The following RANBP3 variants were observed in gnomAD, a reference collection of about 807,000 sequenced individuals.
RANBP3 encodes the protein RAN binding protein 3, also known as ran-binding protein 3.
RANBP3 carries 14 observed loss-of-function variants against 77.3 expected under a neutral mutation model. That is an observed-to-expected ratio of 0.18 (90% CI 0.12 to 0.28). The LOEUF (loss-of-function observed/expected upper bound fraction) is 0.28. Ranked by LOEUF, RANBP3 falls within the 10% of genes least tolerant of loss-of-function variation. The probability of loss-of-function intolerance (pLI) is 1.00; values close to 1 mark genes in which losing one functional copy is unlikely to be tolerated. For synonymous variants in RANBP3, 315 were observed against 312.4 expected (o/e 1.01, Z -0.09); for missense variants, 586 against 752.3 (o/e 0.78, Z 2.59).
intron 1 of RANBP3, among the ~76,000 whole-genome samples, chr19:5,963,720 T>C (rs1364662347): frequency 1.3e-5 from 2 of 152,166 alleles, no homozygotes; most frequent in Non-Finnish European, 2.9e-5. Context: ...TCTGAGCCCC[T>C]CTTCCTTGGA....
chr19:5,942,192 G>A (rs1475003479), intron 3 of RANBP3, among the ~76,000 whole-genome samples: 2 of 152,134 alleles, frequency 1.3e-5, no homozygotes, highest in African/African-American at 4.8e-5. Flanking sequence ...GCTGAAAAGC[G>A]ACCCTCTCCA....
chr19:5,944,858 C>T (rs549680810), intron 3 of RANBP3, among the ~76,000 whole-genome samples: 32 of 152,330 alleles, frequency 2.1e-4, no homozygotes, highest in African/African-American at 5.8e-4. Context: ...TTTAATCCAA[C>T]GAGCCTTTCA....
chr19:5,960,119 G>A (rs918810563), intron 1 of RANBP3, among the ~76,000 whole-genome samples: 3 of 152,076 alleles, frequency 2.0e-5, no homozygotes, highest in Non-Finnish European at 4.4e-5. Context: ...CCTTGGACCA[G>A]AGCCAACCAG....
In RANBP3 at chr19:5,958,252, G is replaced by A. The variant is rs2058358845; in HGVS notation, c.23-279C>T. On this transcript the variant is annotated intron_variant, in intron 1 of 16. Transcript: ENST00000340578. The surrounding 1 kb of genome is among the most constrained non-coding windows in gnomAD (Gnocchi z 4.4). Reference sequence around the variant, plus strand: ...ACTCACTGAGAGCGGGCGTGTAAATGGGAGTGGGAGAGCAGCGGAGAGTGT... The same window carrying A: ...ACTCACTGAGAGCGGGCGTGTAAATAGGAGTGGGAGAGCAGCGGAGAGTGT... Among the ~76,000 whole-genome samples the A allele has an allele frequency of 6.6e-6, 1 of 152,228 alleles. No individual in the cohort carries two copies. Among genetic ancestry groups the A allele is most frequent in the African/African-American group, 2.4e-5 (1 of 41,468 alleles).
rs1416644779 is a variant in RANBP3, at chr19:5,923,373, CAGG to C, written c.1100-73_1100-71del. 6 of 1,478,784 alleles carry C rather than the reference CAGG, an allele frequency of 4.1e-6. No individual in the cohort carries two copies. The African/African-American group carries it at 6.9e-5, about 17-fold the overall frequency. The allele number at this position is 1,478,784 out of a possible 1,614,324, so 91.6% of individuals were successfully genotyped here. A position where few individuals can be genotyped will look rare whatever the true frequency, so the allele number is the denominator to read the frequency against. On this transcript the variant is annotated intron_variant, in intron 12 of 16. Coordinates refer to ENST00000340578, the MANE Select transcript of RANBP3 (RefSeq NM_007322.3). ...AGGAGAGCCATCTCCCCTCATCCGA[CAGG>C]AGATGAGAGGGTTGGTTCTGGTCTC...
In RANBP3 at chr19:5,924,695, T is replaced by A. The variant is rs766873293; in HGVS notation, c.996+132A>T. ...CTGAGTCTGAGCAGGGTCTTCCCTC[T>A]CTCACTTGCTACTGAAGGCATCCCC... On this transcript the variant is annotated intron_variant, in intron 11 of 16. Transcript: ENST00000340578. This position sits in a 1 kb window ranked among gnomAD's most constrained non-coding sequence, Gnocchi z 4.7. The A allele has an allele frequency of 9.2e-5, 84 of 911,332 alleles. No individual in the cohort carries two copies. The highest frequency in any genetic ancestry group is 1.3e-4 in the Non-Finnish European group (75 of 561,820). 56.5% of individuals were successfully genotyped at this position (911,332 alleles called of 1,614,324 possible). A position where few individuals can be genotyped will look rare whatever the true frequency, so the allele number is the denominator to read the frequency against.
At position 5,931,392 on chromosome 19, in the gene RANBP3, G is replaced by A. The variant is rs1206268949; in HGVS notation, c.693+12C>T. 2 of 1,603,610 alleles carry A rather than the reference G, an allele frequency of 1.2e-6. No individual in the cohort carries two copies. Among genetic ancestry groups the A allele is most frequent in the Non-Finnish European group, 1.7e-6 (2 of 1,172,758 alleles). On this transcript the variant is annotated intron_variant, in intron 8 of 16. Coordinates refer to ENST00000340578, the MANE Select transcript of RANBP3 (RefSeq NM_007322.3). ...TAGCATGCAGCGCTTCCCTGCCTCA[G>A]GACCCACTGACCTCAAGTGCACACA...
At chr19:5,929,988 C>T (rs1171724960) in intron 8 of RANBP3, among the ~76,000 whole-genome samples, 3 of 152,236 alleles carry the variant, frequency 2.0e-5, no homozygotes, top group East Asian at 3.9e-4. Flanking sequence ...CTGGAACCGG[C>T]AGGAAGACGG....
At chr19:5,949,724 A>C (rs1568467890) in intron 3 of RANBP3, among the ~76,000 whole-genome samples, 1 of 152,222 alleles carries the variant, frequency 6.6e-6, no homozygotes, top group African/African-American at 2.4e-5. Flanking sequence ...CCTCAGACCC[A>C]AAGTCCATGA....
At chr19:5,932,400 G>T (rs1004851875) in intron 7 of RANBP3, 52 bp downstream of exon 7, 12 of 1,500,458 alleles carry the variant, frequency 8.0e-6, no homozygotes, top group Admixed American at 7.1e-5. Context: ...GCGACTTCGG[G>T]AACGCTCTAC....
At chr19:5,968,120 A>G (rs1203817803) in intron 1 of RANBP3, among the ~76,000 whole-genome samples, 4 of 152,246 alleles carry the variant, frequency 2.6e-5, no homozygotes, top group African/African-American at 9.6e-5. Context: ...TGTGACACCA[A>G]CACAGCTGAG....
At chr19:5,918,431 GCCCA>G in intron 15 of RANBP3, 61 bp downstream of exon 15, 5 of 1,428,972 alleles carry the variant, frequency 3.5e-6, no homozygotes, top group Non-Finnish European at 4.7e-6. Flanking sequence ...TGATCTGTGT[GCCCA>G]GGAACCCCCA....
At chr19:5,966,444 T>C (rs912254484) in intron 1 of RANBP3, among the ~76,000 whole-genome samples, 7 of 152,242 alleles carry the variant, frequency 4.6e-5, no homozygotes, top group Admixed American at 1.3e-4. Flanking sequence ...TCTGTCTTCA[T>C]CTGTCAAATG....
At chr19:5,922,806 GGT>G (rs1397214808) in intron 13 of RANBP3, among the ~76,000 whole-genome samples, 1 of 152,136 alleles carries the variant, frequency 6.6e-6, no homozygotes, top group Non-Finnish European at 1.5e-5. Flanking sequence ...CTGGCGTGGT[GGT>G]GCACACCTGT....
intron 3 of RANBP3, among the ~76,000 whole-genome samples, chr19:5,944,243 AG>A (rs1348549237): frequency 6.6e-6 from 1 of 152,218 alleles, no homozygotes; most frequent in Non-Finnish European, 1.5e-5. Context: ...ATAGGGAGTC[AG>A]GGGTGTGGAG....
intron 6 of RANBP3, chr19:5,933,090 G>C (rs2058016666): frequency 2.9e-6 from 1 of 350,006 alleles, no homozygotes; most frequent in Non-Finnish European, 5.3e-6. Flanking sequence ...GAACACTGTG[G>C]TATGTGGGGG....
At chr19:5,972,527 T>C (rs1390000480) in intron 1 of RANBP3, among the ~76,000 whole-genome samples, 2 of 152,122 alleles carry the variant, frequency 1.3e-5, no homozygotes, top group African/African-American at 4.8e-5. Flanking sequence ...CAAGCCCAAC[T>C]GCCTCACGAT....
chr19:5,924,026 G>A lies in RANBP3; in HGVS notation c.997-112C>T. 1.3e-6 allele frequency: 1 copy of A among 794,560 alleles called. No individual in the cohort carries two copies. The highest frequency in any genetic ancestry group is 2.1e-6 in the Non-Finnish European group (1 of 487,000). 49.2% of individuals were successfully genotyped at this position (794,560 alleles called of 1,614,324 possible). A position where few individuals can be genotyped will look rare whatever the true frequency, so the allele number is the denominator to read the frequency against. On this transcript the variant is annotated intron_variant, in intron 11 of 16. Coordinates refer to ENST00000340578, the MANE Select transcript of RANBP3 (RefSeq NM_007322.3). The surrounding 1 kb of genome is among the most constrained non-coding windows in gnomAD (Gnocchi z 4.7). ...ACACTACGCTGCCCCCAGCACTCCT[G>A]CCCACTCCCGGTGACACCCTGAACT...
intron 12 of RANBP3, 115 bp from the exon 13 acceptor site, chr19:5,923,418 C>T: frequency 3.0e-6 from 3 of 987,214 alleles, no homozygotes; most frequent in Non-Finnish European, 4.6e-6. Flanking sequence ...GCCTGCTGCC[C>T]CTGGCAGGCC....
Sources: gnomAD v4.1 joint callset for allele counts (sites outside exome capture counted in the v4.1 genomes callset) on GRCh38, gnomAD v4.1.1 for gene constraint, Gnocchi (gnomAD v3.1) non-coding constraint, MANE v1.5 for transcripts, NCBI Gene and HGNC (gene_info 2026-07-23, HGNC 2026-07-21) for gene names.